ATP8B4: variants seen among roughly 807,000 people sequenced by gnomAD.
ATP8B4 encodes the protein ATPase phospholipid transporting 8B4 (putative).
Under a neutral mutation model 145.6 loss-of-function variants are expected in ATP8B4, and 133 were observed. The ratio of observed to expected loss-of-function variants is 0.91; its 90% CI spans 0.79 to 1.05. ATP8B4 has a LOEUF of 1.05. Among genes scored for constraint, ATP8B4 ranks in the 50% least tolerant of loss-of-function variants. The pLI, the probability that ATP8B4 is intolerant of heterozygous loss-of-function variation, is 0.00. For synonymous variants in ATP8B4, 507 were observed against 492.9 expected (o/e 1.03, Z -0.38); for missense variants, 1,458 against 1,425.2 (o/e 1.02, Z -0.37).
intron 1 of ATP8B4, among the ~76,000 whole-genome samples, chr15:50,137,125 A>G (rs1567402303): frequency 6.6e-6 from 1 of 152,194 alleles, no homozygotes; most frequent in Non-Finnish European, 1.5e-5. Flanking sequence ...TAGTCACAGA[A>G]TCAAGCAACA....
intron 12 of ATP8B4, among the ~76,000 whole-genome samples, chr15:49,978,391 A>C (rs2045857335): frequency 6.6e-6 from 1 of 152,098 alleles, no homozygotes; most frequent in Admixed American, 6.6e-5. Context: ...CCGAAGCAAT[A>C]TGTGGTATTG....
chr15:49,984,048 T>C (rs57249121), intron 10 of ATP8B4, among the ~76,000 whole-genome samples: 34,586 of 152,184 alleles, frequency 0.23, 5,082 homozygotes, highest in East Asian at 0.68. Context: ...AATAAATAAT[T>C]TGTAAGTATT....
chr15:50,052,378 G>A (rs184561350), intron 3 of ATP8B4, among the ~76,000 whole-genome samples: 45 of 152,358 alleles, frequency 3.0e-4, no homozygotes, highest in African/African-American at 1.1e-3. Flanking sequence ...TGTTAGTGAG[G>A]AGGAATGGTT....
chr15:50,082,565 G>A (rs1186575125), intron 2 of ATP8B4, among the ~76,000 whole-genome samples: 2 of 152,118 alleles, frequency 1.3e-5, no homozygotes, highest in Admixed American at 6.5e-5. Context: ...GCTCACTATA[G>A]CTTCACAAAG....
chr15:49,913,124 C>CCTTTTT (rs756594512), intron 20 of ATP8B4, among the ~76,000 whole-genome samples: 5 of 139,470 alleles, frequency 3.6e-5, no homozygotes, highest in African/African-American at 1.4e-4. Flanking sequence ...GAGCACCTGG[C>CCTTTTT]TTTTTTTTTT....
chr15:50,119,232 C>G lies in ATP8B4; in HGVS notation c.-152G>C, dbSNP rs1595620007. ...TGCCAAGGAGAAAAGCAAGGCTACT[C>G]TGAAAGCTTGAGGGATGATACAGAA... On this transcript the variant is annotated 5_prime_UTR_variant, in exon 1 of 28. Coordinates refer to ENST00000284509, the MANE Select transcript of ATP8B4 (RefSeq NM_024837.4). 1 of 152,284 alleles carries G rather than the reference C, an allele frequency of 6.6e-6. No homozygotes were observed. Among genetic ancestry groups the G allele is most frequent in the Non-Finnish European group, 1.5e-5 (1 of 68,124 alleles). The allele number at this position is 152,284 out of a possible 1,614,324, so 9.4% of individuals were successfully genotyped here. A position where few individuals can be genotyped will look rare whatever the true frequency, so the allele number is the denominator to read the frequency against.
At chr15:50,115,693 A>G (rs2057141550) in intron 1 of ATP8B4, among the ~76,000 whole-genome samples, 1 of 152,084 alleles carries the variant, frequency 6.6e-6, no homozygotes, top group South Asian at 2.1e-4. Context: ...GGATTCTGAA[A>G]GACAGGATCA....
chr15:50,028,201 C>G (rs1273244249), intron 6 of ATP8B4, among the ~76,000 whole-genome samples: 1 of 152,142 alleles, frequency 6.6e-6, no homozygotes, highest in Non-Finnish European at 1.5e-5. Flanking sequence ...CCTTTTGAGT[C>G]CTTAGATCTA....
At chr15:49,996,963 C>T (rs1312845151) in intron 8 of ATP8B4, among the ~76,000 whole-genome samples, 5 of 152,114 alleles carry the variant, frequency 3.3e-5, no homozygotes, top group Non-Finnish European at 5.9e-5. Flanking sequence ...ATTCTACCCA[C>T]GGCACATCTT....
At chr15:50,017,361 T>C (rs911997060) in intron 6 of ATP8B4, among the ~76,000 whole-genome samples, 2 of 152,212 alleles carry the variant, frequency 1.3e-5, no homozygotes, top group Admixed American at 1.3e-4. Context: ...TATTTTGATT[T>C]AAAAAATGTA....
At chr15:50,164,178 C>T (rs2044562920) in intron 1 of ATP8B4, among the ~76,000 whole-genome samples, 1 of 152,072 alleles carries the variant, frequency 6.6e-6, no homozygotes, top group African/African-American at 2.4e-5. Context: ...TTACTCATCA[C>T]ATTTTTTCCC....
intron 1 of ATP8B4, among the ~76,000 whole-genome samples, chr15:50,169,516 A>G (rs571042401): frequency 5.4e-4 from 82 of 152,314 alleles, no homozygotes; most frequent in African/African-American, 1.9e-3. Context: ...GTGGGACAAA[A>G]AATTCTGAAC....
chr15:49,868,632 G>A (rs932694286), intron 25 of ATP8B4, among the ~76,000 whole-genome samples: 3 of 152,026 alleles, frequency 2.0e-5, no homozygotes, highest in Non-Finnish European at 4.4e-5. Flanking sequence ...ATAACATCCT[G>A]GAATTAAATT....
At chr15:50,080,415 T>C (rs1247866636) in intron 2 of ATP8B4, among the ~76,000 whole-genome samples, 1 of 152,180 alleles carries the variant, frequency 6.6e-6, no homozygotes, top group African/African-American at 2.4e-5. Flanking sequence ...AAAAGAATTA[T>C]CTCATAGGGC....
intron 14 of ATP8B4, among the ~76,000 whole-genome samples, chr15:49,945,778 T>C (rs902104223): frequency 1.3e-5 from 2 of 152,104 alleles, no homozygotes; most frequent in East Asian, 3.8e-4. Context: ...AAAAAGCATT[T>C]GACAAAATTA....
intron 10 of ATP8B4, among the ~76,000 whole-genome samples, chr15:49,985,108 T>G (rs2046477096): frequency 6.6e-6 from 1 of 152,054 alleles, no homozygotes; most frequent in African/African-American, 2.4e-5. Context: ...GGATTTTTTT[T>G]TTTTTTGAGA....
chr15:49,924,921 C>G (rs191509246), intron 16 of ATP8B4, among the ~76,000 whole-genome samples: 148 of 152,216 alleles, frequency 9.7e-4, no homozygotes, highest in Non-Finnish European at 1.7e-3. Flanking sequence ...TACAATAATC[C>G]AATTGAATAA....
chr15:50,114,103 C>CTTTTTTGTTTTTTTTT (rs2057081416), intron 1 of ATP8B4, among the ~76,000 whole-genome samples: 1 of 55,644 alleles, frequency 1.8e-5, no homozygotes, highest in East Asian at 5.9e-4. Context: ...CTCCTAGTTT[C>CTTTTTTGTTTTTTTTT]TTTTTTTTTT....
At chr15:50,115,924 A>G (rs2057147918) in intron 1 of ATP8B4, among the ~76,000 whole-genome samples, 1 of 152,184 alleles carries the variant, frequency 6.6e-6, no homozygotes, top group African/African-American at 2.4e-5. Context: ...TCTAAGTAGA[A>G]TGGCACAATT....
Sources: gnomAD v4.1 joint callset for allele counts (sites outside exome capture counted in the v4.1 genomes callset) on GRCh38, gnomAD v4.1.1 for gene constraint, MANE v1.5 for transcripts, NCBI Gene and HGNC (gene_info 2026-07-23, HGNC 2026-07-21) for gene names.